The following MGAM variants were observed in gnomAD, a reference collection of about 807,000 sequenced individuals.
MGAM encodes maltase-glucoamylase.
MGAM carries 253 observed loss-of-function variants against 358.8 expected under a neutral mutation model. The observed-to-expected ratio is 0.71, with a 90% confidence interval of 0.64 to 0.78. MGAM has a LOEUF of 0.78. Ranked by LOEUF, MGAM falls within the 30% of genes least tolerant of loss-of-function variation. The pLI, the probability that MGAM is intolerant of heterozygous loss-of-function variation, is 0.00. For synonymous variants in MGAM, 1,105 were observed against 1,227.1 expected (o/e 0.90, Z 2.08); for missense variants, 3,080 against 3,432.6 (o/e 0.90, Z 2.57).
rs117683382 is a variant in MGAM at position 142,070,564 on chromosome 7, G to T, written c.5062-430G>T. Among the ~76,000 whole-genome samples the T allele has an allele frequency of 7.1e-3, 1,033 of 146,022 alleles. 123 individuals are homozygous for T. The South Asian group carries it at 0.089, about 13-fold the overall frequency. On this transcript the variant is annotated intron_variant, in intron 43 of 70. Coordinates refer to ENST00000475668, the MANE Select transcript of MGAM (RefSeq NM_001365693.1). The stretch of plus-strand genomic sequence containing the variant: ...AGGCTGGGGGTGAGGAGGCTATGCG[G>T]CTGACATCTGAGGATTCTGCTAAAT...
rs1195346222 is a variant in MGAM at position 142,027,120 on chromosome 7, G to C, written c.988G>C (p.Val330Leu). 6.2e-7 allele frequency: 1 copy of C among 1,611,604 alleles called. No individual in the cohort carries two copies. The highest frequency in any genetic ancestry group is 8.5e-7 in the Non-Finnish European group (1 of 1,178,030). ...TTCATTTTTAACCTTTCAAGAGGTT[G>C]TCCTTCAGCCTGCGCCAGCCATCAC... ...FLMNSNAMEV[V>L]LQPAPAITYR... The change falls in exon 9 of 71, where the codon GTC becomes CTC. Residue 330 changes from valine to leucine, a missense_variant. Transcript: ENST00000475668.
chr7:141,988,004 G>A (rs1030297220), intron 2 of MGAM, among the ~76,000 whole-genome samples: 4 of 152,130 alleles, frequency 2.6e-5, no homozygotes, highest in East Asian at 3.9e-4. Flanking sequence ...AAAGTACTCC[G>A]AGGCTGGGCG....
intron 43 of MGAM, among the ~76,000 whole-genome samples, chr7:142,069,707 A>G (rs1813170513): frequency 6.9e-6 from 1 of 145,408 alleles, no homozygotes; most frequent in African/African-American, 2.4e-5. Context: ...ATCTGCCCTT[A>G]GGGTGGTAAC....
chr7:142,076,421 A>G (rs1187156693), intron 46 of MGAM, 169 bp downstream of exon 46: 1 of 890,894 alleles, frequency 1.1e-6, no homozygotes, highest in Admixed American at 1.8e-5. Context: ...GGAGGCATTA[A>G]TATAGCAAGT....
At chr7:141,993,694 A>T (rs1433499438), upstream of MGAM, among the ~76,000 whole-genome samples, 1 of 152,212 alleles carries the variant, frequency 6.6e-6, no homozygotes, top group Non-Finnish European at 1.5e-5. Context: ...ATTGAAATTT[A>T]GAGTTAGGCT....
rs558961658 is a variant in MGAM at position 142,080,044 on chromosome 7, G to A, written c.5848-747G>A. Among the ~76,000 whole-genome samples the A allele has an allele frequency of 8.7e-4, 128 of 146,546 alleles. 18 individuals are homozygous for A. The Middle Eastern group carries it at 0.028, about 32-fold the overall frequency. ...CACTTTAATTCTCTCTGCCTTCGTG[G>A]TTGTTATTCTTCACCAGAATGACTT... On this transcript the variant is annotated intron_variant, in intron 49 of 70. Coordinates refer to ENST00000475668, the MANE Select transcript of MGAM (RefSeq NM_001365693.1).
chr7:142,024,969 A>G, intron 7 of MGAM, 81 bp from the exon 8 acceptor site: 1 of 932,472 alleles, frequency 1.1e-6, no homozygotes, highest in East Asian at 2.4e-5. Flanking sequence ...CATGATTAAG[A>G]CTGATTTCCT....
In MGAM at chr7:142,077,395, T is replaced by G. The variant is rs10262878; in HGVS notation, c.5493+569T>G. On this transcript the variant is annotated intron_variant, in intron 47 of 70. Coordinates refer to ENST00000475668, the MANE Select transcript of MGAM (RefSeq NM_001365693.1). ...AGGGAAGTACAAGATGGTTTAGATT[T>G]AGAGGAGACTGGGAGAAGGATGATA... Among the ~76,000 whole-genome samples the G allele has an allele frequency of 5.7e-3, 827 of 145,370 alleles. 43 individuals are homozygous for G. The highest frequency in any genetic ancestry group is 0.017 in the African/African-American group (704 of 41,064).
At position 142,085,545 on chromosome 7, in the gene MGAM, C is replaced by A. The variant is rs534734251; in HGVS notation, c.6508-288C>A. 3.0e-3 allele frequency among the ~76,000 whole-genome samples: 437 copies of A among 146,248 alleles called. 53 individuals carry two copies. The highest frequency in any genetic ancestry group is 5.7e-3 in the Non-Finnish European group (366 of 64,580). The stretch of plus-strand genomic sequence containing the variant: ...AGTCACTCCTGATAGTGGCAGTTTA[C>A]AAAGCACTGTCCATTCCAGTGTTCG... On this transcript the variant is annotated intron_variant, in intron 54 of 70. Transcript: ENST00000475668.
chr7:141,997,363 A>G (rs928053317), intron 1 of MGAM, among the ~76,000 whole-genome samples: 15 of 152,318 alleles, frequency 9.8e-5, no homozygotes, highest in African/African-American at 3.6e-4. Context: ...CTGTGCTACC[A>G]GGGACCAAAT....
intron 43 of MGAM, among the ~76,000 whole-genome samples, chr7:142,070,411 T>C (rs926051729): frequency 6.9e-6 from 1 of 145,916 alleles, no homozygotes; most frequent in African/African-American, 2.4e-5. Flanking sequence ...AACACAGCCA[T>C]GCATATTTGT....
intron 37 of MGAM, among the ~76,000 whole-genome samples, chr7:142,064,997 C>T (rs1046109509): frequency 6.6e-6 from 1 of 152,170 alleles, no homozygotes; most frequent in Non-Finnish European, 1.5e-5. Context: ...AGTATGAATT[C>T]TTCTAAGAGG....
At chr7:142,071,914 A>G (rs1813376471) in intron 44 of MGAM, among the ~76,000 whole-genome samples, 1 of 146,018 alleles carries the variant, frequency 6.8e-6, no homozygotes, top group African/African-American at 2.4e-5. Flanking sequence ...GTATTAACCT[A>G]TTTGTCTTTA....
rs780556603 is a variant in MGAM at position 142,095,556 on chromosome 7, C to A, written c.7459-9C>A. 1.9e-6 allele frequency: 3 copies of A among 1,612,864 alleles called. No homozygotes were observed. Among genetic ancestry groups the A allele is most frequent in the Non-Finnish European group, 2.5e-6 (3 of 1,179,712 alleles). On this transcript the variant is annotated splice_polypyrimidine_tract_variant and intron_variant, in intron 63 of 70. Coordinates refer to ENST00000475668, the MANE Select transcript of MGAM (RefSeq NM_001365693.1). ...GCAAGCTCCCAACACTGTTCTCTTT[C>A]TCCTTTAGAGACAAGACCCTGTGTC...
At chr7:142,067,947 T>TATATATATATATATAA (rs1812925878) in intron 42 of MGAM, among the ~76,000 whole-genome samples, 1 of 37,356 alleles carries the variant, frequency 2.7e-5, no homozygotes, top group Non-Finnish European at 6.0e-5. Flanking sequence ...TATATATATA[T>TATATATATATATATAA]ATATATATAT....
intron 5 of MGAM, 28 bp from the exon 6 acceptor site, chr7:142,021,558 C>T (rs1554458811): frequency 1.9e-6 from 3 of 1,606,536 alleles, no homozygotes; most frequent in East Asian, 2.2e-5. Context: ...TTTATTTTGG[C>T]TTTCCTTCTA....
intron 36 of MGAM, 94 bp downstream of exon 36, chr7:142,063,680 C>A: frequency 7.3e-7 from 1 of 1,378,484 alleles, no homozygotes; most frequent in Non-Finnish European, 1.0e-6. Context: ...CAGCTGAGGG[C>A]ACATCCTCAT....
chr7:142,092,491 G>A (rs762772195), intron 58 of MGAM, 30 bp from the exon 59 acceptor site: 4 of 1,501,520 alleles, frequency 2.7e-6, no homozygotes, highest in Non-Finnish European at 3.7e-6. Flanking sequence ...ATCTTAAAAA[G>A]TGAGGTATGT....
At chr7:142,040,376 A>G in intron 20 of MGAM, 1 of 594,560 alleles carries the variant, frequency 1.7e-6, no homozygotes, top group Non-Finnish European at 3.0e-6. Flanking sequence ...ACCTTCATAT[A>G]CTTTATTTAG....
Sources: gnomAD v4.1 joint callset for allele counts (sites outside exome capture counted in the v4.1 genomes callset) on GRCh38, gnomAD v4.1.1 for gene constraint, MANE v1.5 for transcripts, NCBI Gene and HGNC (gene_info 2026-07-23, HGNC 2026-07-21) for gene names.